The following INO80 variants were observed in gnomAD, a reference collection of about 807,000 sequenced individuals.
The protein encoded by INO80 is INO80 complex ATPase subunit.
In INO80, 20 loss-of-function variants were observed where a neutral mutation model predicts 203.4. That is an observed-to-expected ratio of 0.10 (90% CI 0.07 to 0.14). The LOEUF (loss-of-function observed/expected upper bound fraction) is 0.14. Among genes scored for constraint, INO80 ranks in the 10% least tolerant of loss-of-function variants. The pLI is 1.00. For synonymous variants in INO80, 726 were observed against 685.2 expected (o/e 1.06, Z -0.93); for missense variants, 1,419 against 1,914.4 (o/e 0.74, Z 4.83).
At chr15:41,104,306 T>C (rs980735453) in intron 1 of INO80, among the ~76,000 whole-genome samples, 1 of 151,986 alleles carries the variant, frequency 6.6e-6, no homozygotes, top group Non-Finnish European at 1.5e-5. Flanking sequence ...CTATTCAATA[T>C]GTTTTTGGAA....
rs538183755 is a variant in INO80 at position 41,061,401 on chromosome 15, T to C, written c.1783-1475A>G. Among the ~76,000 whole-genome samples, 5 of 135,110 alleles carry C rather than the reference T, an allele frequency of 3.7e-5. No homozygotes were observed. In the East Asian group the frequency reaches 6.5e-4, roughly 17 times the overall value. 88.6% of individuals were successfully genotyped at this position (135,110 alleles called of 152,430 possible). The stretch of plus-strand genomic sequence containing the variant: ...GCAGGTGGATCACGAGCTCAGGAGA[T>C]AGAGACCACCCTGGCCAACATGGTG... On this transcript the variant is annotated intron_variant, in intron 14 of 35. Coordinates refer to ENST00000648947, the MANE Select transcript of INO80 (RefSeq NM_017553.3).
chr15:41,015,632 A>C (rs922884374), intron 27 of INO80, among the ~76,000 whole-genome samples: 2 of 151,924 alleles, frequency 1.3e-5, no homozygotes, highest in African/African-American at 4.8e-5. Flanking sequence ...TAGATTGTAA[A>C]ATCAAAAAAA....
intron 29 of INO80, among the ~76,000 whole-genome samples, chr15:40,994,751 G>A (rs1038711865): frequency 6.6e-6 from 1 of 152,190 alleles, no homozygotes; most frequent in Non-Finnish European, 1.5e-5. Flanking sequence ...TATGAAGATA[G>A]AAATGGAACT....
At chr15:41,091,406 T>C (rs2045639652) in intron 5 of INO80, among the ~76,000 whole-genome samples, 1 of 152,070 alleles carries the variant, frequency 6.6e-6, no homozygotes, top group African/African-American at 2.4e-5. Context: ...GTGCAAGATG[T>C]GCAGGTTTGC....
chr15:41,024,728 G>A (rs1188742520), intron 25 of INO80: 2 of 152,190 alleles, frequency 1.3e-5, no homozygotes, highest in East Asian at 1.9e-4. Context: ...TCCTTCCATA[G>A]TGGCACAGTT....
At chr15:41,109,595 G>A (rs1309754250) in intron 1 of INO80, among the ~76,000 whole-genome samples, 1 of 152,008 alleles carries the variant, frequency 6.6e-6, no homozygotes, top group Non-Finnish European at 1.5e-5. Flanking sequence ...TCAGGAGTTC[G>A]AGATCAGCCT....
Position 41,059,930 on chromosome 15 carries a change from GA to G in INO80, c.1783-5del. On this transcript the variant is annotated splice_region_variant and splice_polypyrimidine_tract_variant and intron_variant, in intron 14 of 35. Coordinates refer to ENST00000648947, the MANE Select transcript of INO80 (RefSeq NM_017553.3). ...GATTTCCCCAATATGGTAGCACCTA[GA>G]AAAAGGGCCAATATATACATTACTT... 1.3e-6 allele frequency: 2 copies of G among 1,594,806 alleles called. No homozygotes were observed. The highest frequency in any genetic ancestry group is 1.3e-5 in the African/African-American group (1 of 74,460).
chr15:41,002,962 T>A (rs550439696), intron 28 of INO80, among the ~76,000 whole-genome samples: 1 of 151,084 alleles, frequency 6.6e-6, no homozygotes, highest in Non-Finnish European at 1.5e-5. Context: ...AATACAAAAA[T>A]ACAAAAAATT....
At chr15:41,088,469 T>C (rs1471346109) in intron 5 of INO80, among the ~76,000 whole-genome samples, 1 of 152,138 alleles carries the variant, frequency 6.6e-6, no homozygotes, top group African/African-American at 2.4e-5. Context: ...TCCCAATTCT[T>C]GAATCTTTCA....
intron 24 of INO80, among the ~76,000 whole-genome samples, chr15:41,028,196 C>T (rs1487258437): frequency 6.6e-6 from 1 of 151,940 alleles, no homozygotes; most frequent in East Asian, 1.9e-4. Context: ...AGTACAGTGG[C>T]ATGACCTCAG....
At chr15:41,078,504 T>G (rs2045438627) in intron 9 of INO80, among the ~76,000 whole-genome samples, 2 of 152,292 alleles carry the variant, frequency 1.3e-5, no homozygotes, top group African/African-American at 4.8e-5. Context: ...TATGATTACC[T>G]TGCATGCAAA....
chr15:41,000,585 CTTGGGAGGCTGAG>C (rs2043945324), intron 28 of INO80, among the ~76,000 whole-genome samples: 1 of 151,070 alleles, frequency 6.6e-6, no homozygotes, highest in African/African-American at 2.4e-5. Context: ...GTCTCAGCTA[CTTGGGAGGCTGAG>C]GTAGGAGAGT....
intron 25 of INO80, among the ~76,000 whole-genome samples, chr15:41,025,691 GGT>G (rs1403783254): frequency 6.6e-6 from 1 of 152,022 alleles, no homozygotes; most frequent in African/African-American, 2.4e-5. Context: ...CTCCAGCCTG[GGT>G]GAGAGAGCAA....
Position 40,979,406 on chromosome 15 carries a change from A to C in INO80, c.*817T>G, listed in dbSNP as rs543052926. 1.3e-5 allele frequency: 2 copies of C among 153,062 alleles called. No individual in the cohort carries two copies. Among genetic ancestry groups the C allele is most frequent in the African/African-American group, 4.8e-5 (2 of 41,558 alleles). 9.5% of individuals were successfully genotyped at this position (153,062 alleles called of 1,614,324 possible). A position where few individuals can be genotyped will look rare whatever the true frequency, so the allele number is the denominator to read the frequency against. On this transcript the variant is annotated 3_prime_UTR_variant, in exon 36 of 36. Transcript: ENST00000648947. ...TGCAATATAGACAGTGCATACAGCC[A>C]AGCAGGGGACTGAAGGGCATGAGCA...
At chr15:40,984,391 T>C (rs1226384123) in intron 32 of INO80, 39 bp from the exon 33 acceptor site, 9 of 1,588,982 alleles carry the variant, frequency 5.7e-6, no homozygotes, top group Non-Finnish European at 7.8e-6. Context: ...CGTGTGAGGA[T>C]GCACCCCAAA....
intron 10 of INO80, among the ~76,000 whole-genome samples, chr15:41,074,145 A>T (rs747246693): frequency 6.6e-6 from 1 of 152,218 alleles, no homozygotes; most frequent in East Asian, 1.9e-4. Context: ...AATATTCCCA[A>T]ACTTGCAAGA....
In INO80 at chr15:41,104,714, T is replaced by G. The variant is rs190353871; in HGVS notation, c.-43-8361A>C. Among the ~76,000 whole-genome samples, 3 of 152,092 alleles carry G rather than the reference T, an allele frequency of 2.0e-5. No individual in the cohort carries two copies. The East Asian group carries it at 5.8e-4, about 29-fold the overall frequency. On this transcript the variant is annotated intron_variant, in intron 1 of 35. Coordinates refer to ENST00000648947, the MANE Select transcript of INO80 (RefSeq NM_017553.3). ...CACCACACCTGGCTAATTTTTTTTG[T>G]ATTTTAGTAGAGACGAGGTTTCACC...
intron 29 of INO80, among the ~76,000 whole-genome samples, chr15:40,993,495 C>T (rs1313073562): frequency 5.9e-5 from 9 of 152,114 alleles, no homozygotes; most frequent in East Asian, 3.8e-4. Flanking sequence ...TGGTGGCTCA[C>T]GCCTGTAATC....
chr15:41,046,668 A>C (rs894128946), intron 23 of INO80, among the ~76,000 whole-genome samples: 3 of 151,440 alleles, frequency 2.0e-5, no homozygotes, highest in African/African-American at 7.3e-5. Context: ...TCCAGGTGGG[A>C]GCGCAGTGGA....
Sources: allele counts gnomAD v4.1 joint callset (sites outside exome capture counted in the v4.1 genomes callset), GRCh38; gene constraint gnomAD v4.1.1; transcripts MANE v1.5; gene names NCBI Gene and HGNC (gene_info 2026-07-23, HGNC 2026-07-21).